Variants in GINS4 observed in about 807,000 individuals in gnomAD.
GINS4 encodes the protein DNA replication complex GINS protein SLD5.
A neutral mutation model predicts 31.1 loss-of-function variants in GINS4; 20 were observed. That is an observed-to-expected ratio of 0.64 (90% confidence interval 0.45 to 0.93). The LOEUF (loss-of-function observed/expected upper bound fraction) is 0.93, where lower values mean the gene tolerates loss of function less well. Ranked by LOEUF, GINS4 falls within the 40% of genes least tolerant of loss-of-function variation. The pLI is 0.00. For synonymous variants in GINS4, 85 were observed against 97.9 expected (o/e 0.87, Z 0.78); for missense variants, 245 against 273.9 (o/e 0.89, Z 0.75).
Position 41,530,186 on chromosome 8 carries a change from T to G in GINS4, c.-17T>G, listed in dbSNP as rs1806628782. 4.4e-6 allele frequency: 7 copies of G among 1,581,594 alleles called. No homozygotes were observed. The highest frequency in any genetic ancestry group is 4.5e-5 in the East Asian group (2 of 44,726). On this transcript the variant is annotated splice_region_variant and 5_prime_UTR_variant, in exon 2 of 8. Transcript: ENST00000276533. Reference sequence around the variant, plus strand: ...ATTGGTTCTTTCCCTCTCATTAGGTTCCTGGTTTCAGAGAAGATGACCGAA... The same window carrying G: ...ATTGGTTCTTTCCCTCTCATTAGGTGCCTGGTTTCAGAGAAGATGACCGAA...
rs888446202 is a variant in GINS4 at position 41,543,468 on chromosome 8, A to C, written c.*1381A>C. On this transcript the variant is annotated 3_prime_UTR_variant, in exon 8 of 8. Transcript: ENST00000276533. Reference sequence around the variant, plus strand: ...TTAAGTCCTTCACTTTTTCAAGAGGAATGGATGAAATTAATGTGCATGCAG... The same window carrying C: ...TTAAGTCCTTCACTTTTTCAAGAGGCATGGATGAAATTAATGTGCATGCAG... 2.0e-5 allele frequency: 3 copies of C among 152,136 alleles called. No individual in the cohort carries two copies. Among genetic ancestry groups the C allele is most frequent in the Admixed American group, 6.6e-5 (1 of 15,258 alleles). The allele number at this position is 152,136 out of a possible 1,614,324, so 9.4% of individuals were successfully genotyped here. A position where few individuals can be genotyped will look rare whatever the true frequency, so the allele number is the denominator to read the frequency against.
Position 41,537,240 on chromosome 8 carries a change from A to G in GINS4, c.244A>G (p.Met82Val). ...GAAGGTCAGCATCCACCAAATGGAGATGGAGAGGATCCGCTACGTCCTCAG... is the reference window on the plus strand; with the variant it reads ...GAAGGTCAGCATCCACCAAATGGAGGTGGAGAGGATCCGCTACGTCCTCAG... ...DLKVSIHQME[M>V]ERIRYVLSSY... is the part of the protein sequence containing the mutation. Residue 82 changes from methionine (M) to valine (V), a missense_variant, in exon 4 of 8, where the codon ATG becomes GTG. Physicochemically the swap from Met to Val is conservative, Grantham distance 21. Transcript: ENST00000276533. 6.2e-7 allele frequency: 1 copy of G among 1,614,110 alleles called. No homozygotes were observed. Among genetic ancestry groups the G allele is most frequent in the Non-Finnish European group, 8.5e-7 (1 of 1,179,958 alleles).
At chr8:41,541,063 G>A (rs900453501) in intron 6 of GINS4, among the ~76,000 whole-genome samples, 3 of 98,960 alleles carry the variant, frequency 3.0e-5, no homozygotes, top group Non-Finnish European at 6.2e-5. Context: ...TTTGATTTTT[G>A]TTTTTTGTTT....
Position 41,542,381 on chromosome 8 carries a change from C to CAA in GINS4, c.*304_*305dup, listed in dbSNP as rs61367318. 5.8e-3 allele frequency: 1,049 copies of CAA among 181,282 alleles called. No individual in the cohort carries two copies. Among genetic ancestry groups the CAA allele is most frequent in the Middle Eastern group, 0.013 (6 of 468 alleles). 11.2% of individuals were successfully genotyped at this position (181,282 alleles called of 1,614,324 possible). A position where few individuals can be genotyped will look rare whatever the true frequency, so the allele number is the denominator to read the frequency against. On this transcript the variant is annotated 3_prime_UTR_variant, in exon 8 of 8. Transcript: ENST00000276533. Reference sequence around the variant, plus strand: ...CCTGGGTGACAGTGAGACTTTGTCTCAAAAAAAAAAACAAAAAACAAAAAA... The same window carrying CAA: ...CCTGGGTGACAGTGAGACTTTGTCTCAAAAAAAAAAAAACAAAAAACAAAAAA...
At chr8:41,535,813 T>C (rs959702107) in intron 2 of GINS4, among the ~76,000 whole-genome samples, 3 of 152,216 alleles carry the variant, frequency 2.0e-5, no homozygotes, top group Non-Finnish European at 4.4e-5. Context: ...CCTGTTTCTA[T>C]TATGATCCTG....
At chr8:41,539,186 G>C (rs556606965) in intron 4 of GINS4, among the ~76,000 whole-genome samples, 38 of 151,650 alleles carry the variant, frequency 2.5e-4, no homozygotes, top group South Asian at 6.2e-4. Flanking sequence ...TGGGTGTGGT[G>C]GTGGGTGCCT....
intron 2 of GINS4, among the ~76,000 whole-genome samples, chr8:41,532,547 AG>A (rs1211965892): frequency 1.3e-5 from 2 of 152,062 alleles, no homozygotes; most frequent in Non-Finnish European, 2.9e-5. Flanking sequence ...TTAAGAATAT[AG>A]GGCAGGCCGG....
Position 41,539,999 on chromosome 8 carries a change from G to C in GINS4, c.479G>C (p.Arg160Pro), listed in dbSNP as rs763825764. ...AACTTACAGAAGGTGGACCTCTTTC[G>C]GGCAGGTAAACAGGACGTTCTCCCT... ...PPNLQKVDLFRAVPKPDLDSY... is the reference protein window; with the variant it reads ...PPNLQKVDLFPAVPKPDLDSY... The change falls in exon 6 of 8, where the codon CGG (arginine) becomes CCG (proline). Residue 160 changes from arginine to proline, a missense_variant. Arg to Pro is a moderately radical substitution (Grantham distance 103, BLOSUM62 -2). Transcript: ENST00000276533. The C allele has an allele frequency of 1.2e-6, 2 of 1,613,394 alleles. No homozygotes were observed. The highest frequency in any genetic ancestry group is 1.7e-5 in the Admixed American group (1 of 60,012).
rs144095013 is a variant in GINS4 at position 41,533,225 on chromosome 8, G to C, written c.96+2927G>C. Among the ~76,000 whole-genome samples, 296 of 152,296 alleles carry C rather than the reference G, an allele frequency of 1.9e-3. 3 individuals carry two copies. Among genetic ancestry groups the C allele is most frequent in the African/African-American group, 6.6e-3 (274 of 41,554 alleles). On this transcript the variant is annotated intron_variant, in intron 2 of 7. Transcript: ENST00000276533. Reference sequence around the variant, plus strand: ...CAACCATAAAATATGAGCTGCCAAAGAAACACTTTATGTAAAGTTCAAACT... The same window carrying C: ...CAACCATAAAATATGAGCTGCCAAACAAACACTTTATGTAAAGTTCAAACT...
intron 2 of GINS4, among the ~76,000 whole-genome samples, chr8:41,535,750 G>A (rs1806731136): frequency 6.6e-6 from 1 of 152,168 alleles, no homozygotes; most frequent in Non-Finnish European, 1.5e-5. Context: ...CTGGGCCTGA[G>A]TCATAAATTA....
chr8:41,534,229 C>T (rs76254738), intron 2 of GINS4: 76 of 421,782 alleles, frequency 1.8e-4, no homozygotes, highest in Middle Eastern at 6.9e-4. Flanking sequence ...CATGGTAAAA[C>T]CCCATCTTTA....
intron 7 of GINS4, 26 bp downstream of exon 7, chr8:41,541,925 G>A (rs771025991): frequency 6.2e-7 from 1 of 1,611,400 alleles, no homozygotes; most frequent in Non-Finnish European, 8.5e-7. Context: ...CTTTCACAGT[G>A]GGCACATTCC....
intron 2 of GINS4, among the ~76,000 whole-genome samples, chr8:41,535,974 G>A (rs1008219743): frequency 1.1e-4 from 16 of 152,110 alleles, no homozygotes; most frequent in Non-Finnish European, 2.2e-4. Context: ...TGTGTGGATT[G>A]GTGGGTTATT....
intron 4 of GINS4, among the ~76,000 whole-genome samples, chr8:41,538,674 G>A (rs1397582228): frequency 7.0e-6 from 1 of 143,482 alleles, no homozygotes; most frequent in African/African-American, 2.6e-5. Flanking sequence ...AATACTTTAT[G>A]TCATCAACCC....
Position 41,536,293 on chromosome 8 carries a change from G to T in GINS4, c.97-67G>T, listed in dbSNP as rs544827690. On this transcript the variant is annotated intron_variant, in intron 2 of 7. Transcript: ENST00000276533. ...CATCCCTGGTTTTCGTTGGACTTGG[G>T]CTGACTCACTGGGTTGTTTAGCTCT... The T allele has an allele frequency of 4.7e-4, 444 of 940,056 alleles. 3 individuals are homozygous for T. Among genetic ancestry groups the T allele is most frequent in the Middle Eastern group, 2.4e-3 (11 of 4,500 alleles). The allele number at this position is 940,056 out of a possible 1,614,324, so 58.2% of individuals were successfully genotyped here.
At position 41,530,179 on chromosome 8, in the gene GINS4, A is replaced by G; in HGVS notation, c.-19-5A>G. On this transcript the variant is annotated splice_region_variant and splice_polypyrimidine_tract_variant and intron_variant, in intron 1 of 7. Coordinates refer to ENST00000276533, the MANE Select transcript of GINS4 (RefSeq NM_032336.3). ...GCAGAGTATTGGTTCTTTCCCTCTC[A>G]TTAGGTTCCTGGTTTCAGAGAAGAT... is the stretch of plus-strand genomic sequence containing the variant. 1 of 1,538,674 alleles carries G rather than the reference A, an allele frequency of 6.5e-7. No individual in the cohort carries two copies. The highest frequency in any genetic ancestry group is 9.0e-7 in the Non-Finnish European group (1 of 1,112,426).
rs1406149194 is a variant in GINS4, at chr8:41,543,421, G to GACGTTAACCA, written c.*1336_*1337insGTTAACCAAC. 2.2e-4 allele frequency: 33 copies of GACGTTAACCA among 152,280 alleles called. No homozygotes were observed. The highest frequency in any genetic ancestry group is 7.7e-4 in the African/African-American group (32 of 41,554). 9.4% of individuals were successfully genotyped at this position (152,280 alleles called of 1,614,324 possible). A position where few individuals can be genotyped will look rare whatever the true frequency, so the allele number is the denominator to read the frequency against. ...AGTGACGTTAACCATCTTGTATTGTGACCTGTGGCCGCTTTTCTGGTTTAA... is the reference window on the plus strand; with the variant it reads ...AGTGACGTTAACCATCTTGTATTGTGACGTTAACCAACCTGTGGCCGCTTTTCTGGTTTAA... On this transcript the variant is annotated 3_prime_UTR_variant, in exon 8 of 8. Transcript: ENST00000276533.
At chr8:41,536,245 G>C in intron 2 of GINS4, 115 bp from the exon 3 acceptor site, 1 of 738,496 alleles carries the variant, frequency 1.4e-6, no homozygotes. Context: ...CAGTTGGTGG[G>C]CAGACAGTTT....
rs1806628668 is a variant in GINS4 at position 41,530,177 on chromosome 8, T to G, written c.-19-7T>G. On this transcript the variant is annotated splice_region_variant and splice_polypyrimidine_tract_variant and intron_variant, in intron 1 of 7. Coordinates refer to ENST00000276533, the MANE Select transcript of GINS4 (RefSeq NM_032336.3). ...TTGCAGAGTATTGGTTCTTTCCCTC[T>G]CATTAGGTTCCTGGTTTCAGAGAAG... The G allele has an allele frequency of 6.6e-7, 1 of 1,512,546 alleles. No homozygotes were observed. The highest frequency in any genetic ancestry group is 1.4e-5 in the African/African-American group (1 of 72,670). 93.7% of individuals were successfully genotyped at this position (1,512,546 alleles called of 1,614,324 possible).
Sources: allele counts gnomAD v4.1 joint callset (sites outside exome capture counted in the v4.1 genomes callset), GRCh38; gene constraint gnomAD v4.1.1; transcripts MANE v1.5; gene names NCBI Gene and HGNC (gene_info 2026-07-23, HGNC 2026-07-21).